Variants in ATP6V1A observed in about 807,000 individuals in gnomAD.
ATP6V1A encodes the protein ATPase H+ transporting V1 subunit A.
ATP6V1A carries 18 observed loss-of-function variants against 70.1 expected under a neutral mutation model. The observed-to-expected ratio is 0.26, with a 90% confidence interval of 0.18 to 0.38. ATP6V1A has a LOEUF of 0.38. ATP6V1A is among the 10% of genes least tolerant of loss of function. The probability of loss-of-function intolerance (pLI) is 1.00; values close to 1 mark genes in which losing one functional copy is unlikely to be tolerated. For missense variants in ATP6V1A, 424 were observed against 772.4 expected (o/e 0.55, Z 5.35); for synonymous variants, 232 against 253.8 (o/e 0.91, Z 0.82).
intron 1 of ATP6V1A, among the ~76,000 whole-genome samples, chr3:113,748,210 A>T (rs756791489): frequency 6.6e-6 from 1 of 152,168 alleles, no homozygotes; most frequent in Non-Finnish European, 1.5e-5. Context: ...TTGTTGTCCA[A>T]TTGAAAATAC....
intron 3 of ATP6V1A, among the ~76,000 whole-genome samples, 183 bp from the exon 4 acceptor site, chr3:113,784,041 T>C (rs997716450): frequency 6.6e-6 from 1 of 152,262 alleles, no homozygotes; most frequent in Non-Finnish European, 1.5e-5. Context: ...AAGTGTTAGA[T>C]ATATCTTTTG....
In ATP6V1A at chr3:113,768,269, C is replaced by T. The variant is rs536646694; in HGVS notation, c.-13-10472C>T. Among the ~76,000 whole-genome samples, 11 of 152,266 alleles carry T rather than the reference C, an allele frequency of 7.2e-5. No homozygotes were observed. In the South Asian group the frequency reaches 2.3e-3, roughly 32 times the overall value. On this transcript the variant is annotated intron_variant, in intron 1 of 14. Coordinates refer to ENST00000273398, the MANE Select transcript of ATP6V1A (RefSeq NM_001690.4). ...GTCTACACATTTCATTGTAGTCCAC[C>T]TTAGTAATTCTTATGGATTACTTCA...
intron 1 of ATP6V1A, among the ~76,000 whole-genome samples, chr3:113,771,679 C>T (rs1336509053): frequency 7.9e-5 from 12 of 151,916 alleles, no homozygotes; most frequent in South Asian, 2.1e-4. Context: ...CCTCATGATC[C>T]GCCTGCCTCG....
intron 1 of ATP6V1A, among the ~76,000 whole-genome samples, chr3:113,762,621 A>G (rs953748011): frequency 2.0e-5 from 3 of 152,172 alleles, no homozygotes; most frequent in Admixed American, 1.3e-4. Flanking sequence ...ACAAAAGCCT[A>G]TCCAAAAGCC....
At chr3:113,758,259 T>TA (rs1708666678) in intron 1 of ATP6V1A, among the ~76,000 whole-genome samples, 2 of 152,202 alleles carry the variant, frequency 1.3e-5, no homozygotes, top group Admixed American at 1.3e-4. Flanking sequence ...TTGTGCTTTT[T>TA]AAAAAATAAT....
intron 1 of ATP6V1A, among the ~76,000 whole-genome samples, chr3:113,770,966 ATGCC>A (rs1708832731): frequency 6.6e-6 from 1 of 151,588 alleles, no homozygotes; most frequent in South Asian, 2.1e-4. Context: ...GTGGGGGCGC[ATGCC>A]TGTAATTCCA....
At chr3:113,770,074 ACT>A (rs1230099757) in intron 1 of ATP6V1A, among the ~76,000 whole-genome samples, 2 of 147,756 alleles carry the variant, frequency 1.4e-5, no homozygotes, top group African/African-American at 5.0e-5. Context: ...TATTTTTGAG[ACT>A]CTCACTCTGT....
chr3:113,790,023 A>G (rs1404958324), intron 8 of ATP6V1A, among the ~76,000 whole-genome samples, 183 bp downstream of exon 8: 1 of 152,196 alleles, frequency 6.6e-6, no homozygotes, highest in Non-Finnish European at 1.5e-5. Context: ...TGGTCCCAGT[A>G]CTTTGGGAGG....
chr3:113,752,021 GTAT>G lies in ATP6V1A; in HGVS notation c.-14+4915_-14+4917del, dbSNP rs150400710. Among the ~76,000 whole-genome samples the G allele has an allele frequency of 2.0e-4, 31 of 151,712 alleles. No homozygotes were observed. The East Asian group carries it at 4.4e-3, about 22-fold the overall frequency. On this transcript the variant is annotated intron_variant, in intron 1 of 14. Transcript: ENST00000273398. ...GTTTTAAAAATCACTATTATTTTTG[GTAT>G]TATTATGACTAACAACAAAAATTTC...
At chr3:113,788,509 T>C (rs1053983016) in intron 6 of ATP6V1A, among the ~76,000 whole-genome samples, 2 of 151,656 alleles carry the variant, frequency 1.3e-5, no homozygotes, top group African/African-American at 2.4e-5. Context: ...AATTTTTCTT[T>C]TTTTTTTTGT....
At chr3:113,769,045 A>G (rs777340748) in intron 1 of ATP6V1A, among the ~76,000 whole-genome samples, 6 of 152,346 alleles carry the variant, frequency 3.9e-5, no homozygotes, top group Non-Finnish European at 7.3e-5. Context: ...AATTTTGAAC[A>G]AAGTTGGCTT....
At chr3:113,747,857 G>A (rs958846185) in intron 1 of ATP6V1A, among the ~76,000 whole-genome samples, 3 of 152,146 alleles carry the variant, frequency 2.0e-5, no homozygotes, top group African/African-American at 7.2e-5. Context: ...GTGTGCAGGA[G>A]GCCCAGGCTG....
chr3:113,799,227 T>C (rs1455851398), intron 12 of ATP6V1A, among the ~76,000 whole-genome samples: 1 of 152,128 alleles, frequency 6.6e-6, no homozygotes, highest in Non-Finnish European at 1.5e-5. Context: ...TCTAGTAGGA[T>C]ATTAAAGAAA....
At chr3:113,764,303 C>T (rs916993174) in intron 1 of ATP6V1A, among the ~76,000 whole-genome samples, 2 of 151,864 alleles carry the variant, frequency 1.3e-5, no homozygotes, top group South Asian at 2.1e-4. Context: ...AGTCTTGGTA[C>T]GCAGTAGAGA....
rs748064694 is a variant in ATP6V1A at position 113,808,287 on chromosome 3, CTT to C, written c.1762-1028_1762-1027del. On this transcript the variant is annotated intron_variant, in intron 14 of 14. Transcript: ENST00000273398. ...ACCTGGAACATTTTAAAGTCTGTCT[CTT>C]TTTTTTTTTTTTTTTTTTTCTGAGA... Among the ~76,000 whole-genome samples the C allele has an allele frequency of 5.6e-4, 50 of 89,806 alleles. No homozygotes were observed. The East Asian group carries it at 0.012, about 21-fold the overall frequency. The allele number at this position is 89,806 out of a possible 152,430, so 58.9% of individuals were successfully genotyped here.
chr3:113,762,770 G>GT (rs1437072693), intron 1 of ATP6V1A, among the ~76,000 whole-genome samples: 9 of 152,016 alleles, frequency 5.9e-5, no homozygotes, highest in Admixed American at 1.3e-4. Flanking sequence ...AGTACATTTT[G>GT]TGGGGGGGGA....
At chr3:113,762,497 C>T (rs1049964838) in intron 1 of ATP6V1A, among the ~76,000 whole-genome samples, 4 of 151,644 alleles carry the variant, frequency 2.6e-5, no homozygotes, top group Non-Finnish European at 5.9e-5. Context: ...GAACCCAGGA[C>T]GTGGAGGTTG....
intron 14 of ATP6V1A, among the ~76,000 whole-genome samples, chr3:113,807,830 A>C (rs1481226614): frequency 1.3e-5 from 2 of 152,026 alleles, no homozygotes; most frequent in African/African-American, 4.8e-5. Flanking sequence ...ATTCTTAGAC[A>C]CTTAGAAAAT....
chr3:113,796,627 T>C (rs1421200100), intron 11 of ATP6V1A, among the ~76,000 whole-genome samples: 1 of 151,952 alleles, frequency 6.6e-6, no homozygotes, highest in Non-Finnish European at 1.5e-5. Flanking sequence ...AAAAGATGTG[T>C]ACAAATCAGA....
Sources: allele counts gnomAD v4.1 joint callset (sites outside exome capture counted in the v4.1 genomes callset), GRCh38; gene constraint gnomAD v4.1.1; transcripts MANE v1.5; gene names NCBI Gene and HGNC (gene_info 2026-07-23, HGNC 2026-07-21).